The following VCL variants were observed in gnomAD, a reference collection of about 807,000 sequenced individuals.
The protein encoded by VCL is epididymis luminal protein 114.
A neutral mutation model predicts 125.7 loss-of-function variants in VCL; 47 were observed. That is an observed-to-expected ratio of 0.37 (90% CI 0.30 to 0.48). The LOEUF (loss-of-function observed/expected upper bound fraction) is 0.48. Among genes scored for constraint, VCL ranks in the 20% least tolerant of loss-of-function variants. The pLI, the probability that VCL is intolerant of heterozygous loss-of-function variation, is 0.99. For synonymous variants in VCL, 458 were observed against 514.6 expected, an observed-to-expected ratio of 0.89 and a Z score of 1.49; for missense variants, 1,069 against 1,455.5, an observed-to-expected ratio of 0.73 and a Z score of 4.32.
intron 1 of VCL, among the ~76,000 whole-genome samples, chr10:74,015,083 T>C (rs1387616909): frequency 1.3e-5 from 2 of 152,224 alleles, no homozygotes; most frequent in Non-Finnish European, 2.9e-5. Flanking sequence ...TTCAGATTCC[T>C]ACCAAATATA....
chr10:74,007,787 C>T (rs1430687621), intron 1 of VCL, among the ~76,000 whole-genome samples: 1 of 152,004 alleles, frequency 6.6e-6, no homozygotes, highest in Admixed American at 6.6e-5. Context: ...TGAGCCGCTG[C>T]GCTCAGCCTA....
At chr10:74,095,929 G>C in intron 12 of VCL, 74 bp downstream of exon 12, 8 of 1,540,212 alleles carry the variant, frequency 5.2e-6, no homozygotes, top group Non-Finnish European at 7.1e-6. Flanking sequence ...GGAAGAGAGA[G>C]TTTTGAAAAA....
intron 2 of VCL, among the ~76,000 whole-genome samples, chr10:74,044,399 C>T (rs375956769): frequency 6.6e-6 from 1 of 151,998 alleles, no homozygotes; most frequent in South Asian, 2.1e-4. Flanking sequence ...ATAAGACTTT[C>T]CAAAAAGGTG....
intron 1 of VCL, among the ~76,000 whole-genome samples, chr10:74,009,226 C>CT (rs35607264): frequency 5.5e-5 from 7 of 126,154 alleles, no homozygotes; most frequent in African/African-American, 2.3e-4. Context: ...TCCCCCCCCC[C>CT]CCCCGAGCCA....
At chr10:74,017,304 C>T (rs1391802627) in intron 1 of VCL, among the ~76,000 whole-genome samples, 1 of 151,974 alleles carries the variant, frequency 6.6e-6, no homozygotes. Context: ...GCCTCGGCCT[C>T]CCAAAGTGCT....
chr10:74,022,743 T>C (rs1398685894), intron 1 of VCL, among the ~76,000 whole-genome samples: 1 of 151,514 alleles, frequency 6.6e-6, no homozygotes, highest in Non-Finnish European at 1.5e-5. Flanking sequence ...TTCAAGCAAT[T>C]CTCCTGCCTC....
At chr10:74,017,509 G>A (rs776290610) in intron 1 of VCL, among the ~76,000 whole-genome samples, 8 of 150,556 alleles carry the variant, frequency 5.3e-5, no homozygotes, top group Non-Finnish European at 7.4e-5. Flanking sequence ...CCTGAACTCT[G>A]TCTCTGAAGG....
intron 1 of VCL, among the ~76,000 whole-genome samples, chr10:74,010,972 C>A (rs533899967): frequency 4.2e-4 from 64 of 151,774 alleles, no homozygotes; most frequent in African/African-American, 1.4e-3. Flanking sequence ...GAGTTCGAGA[C>A]CAGCCTGGCC....
intron 1 of VCL, among the ~76,000 whole-genome samples, chr10:74,010,700 T>C (rs760883171): frequency 4.0e-5 from 6 of 151,750 alleles, no homozygotes; most frequent in Non-Finnish European, 8.8e-5. Context: ...CTTTCCTGCT[T>C]ATGAATTTTC....
At chr10:74,094,186 CTAT>C (rs1415649669) in intron 10 of VCL, 82 bp from the exon 11 acceptor site, 29 of 1,539,440 alleles carry the variant, frequency 1.9e-5, no homozygotes, top group Non-Finnish European at 2.4e-5. Flanking sequence ...ATTTGTCATC[CTAT>C]TAGCATTTGT....
At chr10:74,078,428 A>C (rs1367278912) in intron 6 of VCL, among the ~76,000 whole-genome samples, 1 of 152,108 alleles carries the variant, frequency 6.6e-6, no homozygotes, top group Non-Finnish European at 1.5e-5. Flanking sequence ...AAATTAAAAA[A>C]AGGTCATTTG....
intron 8 of VCL, among the ~76,000 whole-genome samples, chr10:74,084,041 A>G (rs757348548): frequency 7.2e-5 from 11 of 151,914 alleles, no homozygotes; most frequent in Non-Finnish European, 1.5e-4. Flanking sequence ...TAATTTTTGT[A>G]TTTTTAGTAC....
chr10:74,107,163 C>T (rs543459705), intron 16 of VCL, 67 bp from the exon 17 acceptor site: 1 of 1,612,804 alleles, frequency 6.2e-7, no homozygotes, highest in Admixed American at 1.7e-5. Flanking sequence ...ACCAGTTCTG[C>T]TGCTGCACAG....
At chr10:74,042,569 TATC>T (rs995569068) in intron 1 of VCL, among the ~76,000 whole-genome samples, 5 of 152,298 alleles carry the variant, frequency 3.3e-5, no homozygotes, top group Admixed American at 6.5e-5. Context: ...TAGGGAAAAA[TATC>T]ATATTGTTTT....
At chr10:74,023,341 A>C (rs1241853596) in intron 1 of VCL, among the ~76,000 whole-genome samples, 2 of 152,266 alleles carry the variant, frequency 1.3e-5, no homozygotes, top group South Asian at 2.1e-4. Context: ...TGGCTATGCC[A>C]TAAAGCCTCG....
chr10:74,035,261 T>C (rs572297743), intron 1 of VCL, among the ~76,000 whole-genome samples: 1 of 151,954 alleles, frequency 6.6e-6, no homozygotes, highest in East Asian at 1.9e-4. Flanking sequence ...TCTTTCTTTT[T>C]TTTTTTTTGC....
At chr10:74,046,532 T>A (rs1051772467) in intron 2 of VCL, among the ~76,000 whole-genome samples, 1 of 152,232 alleles carries the variant, frequency 6.6e-6, no homozygotes, top group Admixed American at 6.5e-5. Context: ...CATGAGCCAC[T>A]GTGCCCCGGC....
rs771151560 is a variant in VCL, at chr10:74,094,475, T to G, written c.1543+14T>G. On this transcript the variant is annotated intron_variant, in intron 11 of 21. Transcript: ENST00000211998. ...ACCGTGGAGTCGGTAAGGGCAGCAG[T>G]GCACTATAACCTCATTAAATTGGTC... is the stretch of plus-strand genomic sequence containing the variant. The G allele has an allele frequency of 1.6e-5, 26 of 1,610,872 alleles. No homozygotes were observed.
intron 2 of VCL, among the ~76,000 whole-genome samples, chr10:74,055,024 G>A (rs1018811546): frequency 2.0e-5 from 3 of 152,096 alleles, no homozygotes; most frequent in Admixed American, 6.6e-5. Context: ...TACAGGCCGG[G>A]TGCGATGGCT....
Sources: gnomAD v4.1 joint callset for allele counts (sites outside exome capture counted in the v4.1 genomes callset) on GRCh38, gnomAD v4.1.1 for gene constraint, MANE v1.5 for transcripts, NCBI Gene and HGNC (gene_info 2026-07-23, HGNC 2026-07-21) for gene names.